CNKSR2: variants seen among roughly 807,000 people sequenced by gnomAD.
The protein encoded by CNKSR2 is CNK homolog protein 2.
CNKSR2 carries 14 observed loss-of-function variants against 84.4 expected under a neutral mutation model. The ratio of observed to expected loss-of-function variants is 0.17; its 90% CI spans 0.11 to 0.26. CNKSR2 has a LOEUF of 0.26. CNKSR2 is among the 10% of genes least tolerant of loss of function. CNKSR2 has a pLI of 1.00. For synonymous variants in CNKSR2, 275 were observed against 277.9 expected (o/e 0.99, Z 0.10); for missense variants, 485 against 771.2 (o/e 0.63, Z 4.40).
At chrX:21,475,799 T>C (rs1231339201) in intron 5 of CNKSR2, among the ~76,000 whole-genome samples, 1 of 111,859 alleles carries the variant, frequency 8.9e-6, no homozygotes, top group African/African-American at 3.2e-5. Context: ...TTGTCCCTTA[T>C]CTGAAATGCT....
chrX:21,389,132 C>T (rs916342407), intron 1 of CNKSR2, among the ~76,000 whole-genome samples: 2 of 106,559 alleles, frequency 1.9e-5, no homozygotes, highest in Non-Finnish European at 3.9e-5. Flanking sequence ...ACCAATACTC[C>T]ACAAAACTGT....
chrX:21,623,018 A>G (rs1490724157), intron 20 of CNKSR2, among the ~76,000 whole-genome samples: 1 of 111,165 alleles, frequency 9.0e-6, no homozygotes, highest in Admixed American at 9.6e-5. Flanking sequence ...ATGTTTGTAT[A>G]GAGTATTGGA....
At chrX:21,589,134 C>T (rs1404820701) in intron 13 of CNKSR2, among the ~76,000 whole-genome samples, 1 of 111,420 alleles carries the variant, frequency 9.0e-6, no homozygotes, top group Non-Finnish European at 1.9e-5. Flanking sequence ...TATGTGTGTA[C>T]ACACACACAC....
intron 11 of CNKSR2, among the ~76,000 whole-genome samples, chrX:21,548,252 C>A (rs746796240): frequency 4.4e-4 from 49 of 111,576 alleles, no homozygotes; most frequent in South Asian, 7.5e-4. Context: ...CCACTGATCC[C>A]ACAGAAATAC....
chrX:21,653,311 AT>A lies in CNKSR2; in HGVS notation c.*795del, dbSNP rs1410726240. The A allele has an allele frequency of 9.1e-6, 1 of 110,286 alleles. No homozygotes were observed. Among genetic ancestry groups the A allele is most frequent in the Non-Finnish European group, 1.9e-5 (1 of 52,839 alleles). The allele number at this position is 110,286 out of a possible 1,213,427, so 9.1% of individuals were successfully genotyped here. A position where few individuals can be genotyped will look rare whatever the true frequency, so the allele number is the denominator to read the frequency against. ...TGTGTACAGAAGAATTTGAGAGGGG[AT>A]TTTTAAAAACTGACTTAACACACCC... On this transcript the variant is annotated 3_prime_UTR_variant, in exon 22 of 22. Transcript: ENST00000379510.
chrX:21,596,075 T>A (rs748993809), intron 17 of CNKSR2, among the ~76,000 whole-genome samples: 1 of 111,898 alleles, frequency 8.9e-6, no homozygotes, highest in East Asian at 2.8e-4. Flanking sequence ...TACTAGCCAG[T>A]ACATATTACA....
At chrX:21,517,057 T>C (rs1244926893) in intron 9 of CNKSR2, among the ~76,000 whole-genome samples, 1 of 111,017 alleles carries the variant, frequency 9.0e-6, no homozygotes, top group African/African-American at 3.3e-5. Context: ...TTATAAACAG[T>C]AGGAAAATGA....
At chrX:21,445,497 A>G (rs1221521124) in intron 4 of CNKSR2, among the ~76,000 whole-genome samples, 1 of 110,454 alleles carries the variant, frequency 9.1e-6, no homozygotes, top group African/African-American at 3.3e-5. Context: ...GCAATAAATT[A>G]TTGGTAATTA....
intron 13 of CNKSR2, among the ~76,000 whole-genome samples, chrX:21,586,012 A>C (rs757529470): frequency 1.8e-5 from 2 of 111,326 alleles, no homozygotes; most frequent in African/African-American, 3.3e-5. Context: ...CATAGCAATA[A>C]AATGAAATAA....
intron 1 of CNKSR2, among the ~76,000 whole-genome samples, chrX:21,420,390 T>C (rs1420454012): frequency 1.8e-5 from 2 of 112,447 alleles, no homozygotes; most frequent in African/African-American, 3.2e-5. Context: ...CTTTGTTCTC[T>C]AGCCCCCTAT....
chrX:21,478,134 G>A (rs1455688121), intron 5 of CNKSR2, among the ~76,000 whole-genome samples: 3 of 111,283 alleles, frequency 2.7e-5, no homozygotes, highest in Non-Finnish European at 5.7e-5. Context: ...TTATGTTTTC[G>A]AAGTTAAGGT....
chrX:21,477,837 A>G (rs757983079), intron 5 of CNKSR2, among the ~76,000 whole-genome samples: 1 of 112,165 alleles, frequency 8.9e-6, no homozygotes, highest in Non-Finnish European at 1.9e-5. Context: ...GCTTATCTTT[A>G]GAGATTTCTT....
intron 12 of CNKSR2, 86 bp from the exon 13 acceptor site, chrX:21,563,152 G>A (rs2092207424): frequency 1.2e-5 from 9 of 741,412 alleles, no homozygotes; most frequent in Admixed American, 4.1e-5. Flanking sequence ...TTACTTTTGC[G>A]CCAACCTAAT....
chrX:21,496,676 A>G (rs894764065), intron 6 of CNKSR2, among the ~76,000 whole-genome samples: 7 of 111,626 alleles, frequency 6.3e-5, no homozygotes, highest in Admixed American at 4.8e-4. Context: ...GTATCTAAAT[A>G]TATAATTAAC....
intron 11 of CNKSR2, among the ~76,000 whole-genome samples, chrX:21,555,118 T>C (rs887207617): frequency 9.0e-6 from 1 of 110,650 alleles, no homozygotes; most frequent in African/African-American, 3.3e-5. Context: ...TGAGCTTTTT[T>C]CCATATGATT....
chrX:21,457,667 A>G (rs1236635143), intron 4 of CNKSR2, among the ~76,000 whole-genome samples: 7 of 111,615 alleles, frequency 6.3e-5, no homozygotes, highest in Non-Finnish European at 1.3e-4. Flanking sequence ...ATACCAGTGT[A>G]TGTGGTAGGT....
At chrX:21,622,013 T>A (rs991897369) in intron 20 of CNKSR2, among the ~76,000 whole-genome samples, 7 of 110,604 alleles carry the variant, frequency 6.3e-5, no homozygotes, top group Non-Finnish European at 1.1e-4. Context: ...AGCCCTAAGA[T>A]AATTTCCAAA....
intron 9 of CNKSR2, among the ~76,000 whole-genome samples, chrX:21,521,484 T>C (rs1399110961): frequency 9.0e-6 from 1 of 110,734 alleles, no homozygotes; most frequent in Non-Finnish European, 1.9e-5. Flanking sequence ...TGTCCATTCT[T>C]TCTTTAGTTA....
intron 20 of CNKSR2, among the ~76,000 whole-genome samples, chrX:21,625,358 A>G (rs1359429616): frequency 8.9e-6 from 1 of 112,009 alleles, no homozygotes; most frequent in Non-Finnish European, 1.9e-5. Flanking sequence ...AAATCTGTTT[A>G]AAGGACAAAG....
Sources: gnomAD v4.1 joint callset for allele counts (sites outside exome capture counted in the v4.1 genomes callset) on GRCh38, gnomAD v4.1.1 for gene constraint, MANE v1.5 for transcripts, NCBI Gene and HGNC (gene_info 2026-07-23, HGNC 2026-07-21) for gene names.